The following PLCE1 variants were observed in gnomAD, a reference collection of about 807,000 sequenced individuals.
PLCE1 encodes 1-phosphatidylinositol 4,5-bisphosphate phosphodiesterase epsilon-1.
A neutral mutation model predicts 242.8 loss-of-function variants in PLCE1; 119 were observed. The ratio of observed to expected loss-of-function variants is 0.49; its 90% CI spans 0.42 to 0.57. The LOEUF is 0.57. PLCE1 is among the 20% of genes least tolerant of loss of function. PLCE1 has a pLI of 0.00. For missense variants in PLCE1, 2,441 were observed against 2,788.8 expected, an observed-to-expected ratio of 0.88 and a Z score of 2.81; for synonymous variants, 945 against 1,017.4, an observed-to-expected ratio of 0.93 and a Z score of 1.35.
intron 29 of PLCE1, among the ~76,000 whole-genome samples, chr10:94,319,862 CTCTTTTTTTTT>C (rs1221199916): frequency 2.3e-5 from 2 of 86,198 alleles, no homozygotes; most frequent in African/African-American, 4.1e-5. Context: ...CTCAAAGGTG[CTCTTTTTTTTT>C]TTTTTTTTTT....
At chr10:94,226,092 A>T (rs2049927998) in intron 4 of PLCE1, among the ~76,000 whole-genome samples, 1 of 152,268 alleles carries the variant, frequency 6.6e-6, no homozygotes, top group Non-Finnish European at 1.5e-5. Flanking sequence ...TTAGGTGGAC[A>T]CCAGCATCTA....
At chr10:94,221,670 G>A (rs1332911971) in intron 4 of PLCE1, among the ~76,000 whole-genome samples, 1 of 152,198 alleles carries the variant, frequency 6.6e-6, no homozygotes, top group Admixed American at 6.5e-5. Context: ...AGGAGGCGGA[G>A]ATTGCAGTGA....
At chr10:94,255,914 ACTCTCTCTCTCTCTCTCTCT>A (rs111704161) in intron 11 of PLCE1, among the ~76,000 whole-genome samples, 8 of 67,324 alleles carry the variant, frequency 1.2e-4, no homozygotes, top group African/African-American at 5.0e-4. Flanking sequence ...ACACACACAC[ACTCTCTCTCTCTCTCTCTCT>A]CTCTCTCTCT....
chr10:94,036,785 C>G (rs2134571117), intron 2 of PLCE1, among the ~76,000 whole-genome samples: 1 of 152,224 alleles, frequency 6.6e-6, no homozygotes, highest in African/African-American at 2.4e-5. Flanking sequence ...ATGTGAAGTA[C>G]AAGAAGTTTC....
At chr10:94,293,702 ACTGT>A (rs996039425) in intron 23 of PLCE1, 63 bp downstream of exon 23, 1 of 1,556,194 alleles carries the variant, frequency 6.4e-7, no homozygotes, top group Non-Finnish European at 8.9e-7. Flanking sequence ...TAGATATTTT[ACTGT>A]CTAAGCACTT....
At chr10:94,027,156 C>A (rs1225231955) in intron 1 of PLCE1, among the ~76,000 whole-genome samples, 1 of 152,174 alleles carries the variant, frequency 6.6e-6, no homozygotes, top group African/African-American at 2.4e-5. Context: ...TCTTTTGAAA[C>A]TCAACTGAGT....
chr10:94,167,452 T>A (rs2047841910), intron 3 of PLCE1, among the ~76,000 whole-genome samples: 1 of 152,186 alleles, frequency 6.6e-6, no homozygotes, highest in South Asian at 2.1e-4. Flanking sequence ...TTATTCTTGT[T>A]CACTAAATTT....
chr10:94,071,137 G>A (rs1196844502), intron 2 of PLCE1, among the ~76,000 whole-genome samples: 1 of 152,114 alleles, frequency 6.6e-6, no homozygotes, highest in African/African-American at 2.4e-5. Flanking sequence ...GAGTTACTGT[G>A]AAATTAACCC....
chr10:94,130,709 G>A (rs1450273407), intron 2 of PLCE1, among the ~76,000 whole-genome samples: 1 of 152,220 alleles, frequency 6.6e-6, no homozygotes, highest in African/African-American at 2.4e-5. Flanking sequence ...GTGCCTTCAA[G>A]TGGCAAATAT....
At chr10:94,107,338 C>T (rs2045786851) in intron 2 of PLCE1, among the ~76,000 whole-genome samples, 1 of 152,064 alleles carries the variant, frequency 6.6e-6, no homozygotes, top group African/African-American at 2.4e-5. Flanking sequence ...CTTCATGCCA[C>T]CCCCCTTGCT....
intron 2 of PLCE1, among the ~76,000 whole-genome samples, chr10:94,103,783 C>T (rs2045627785): frequency 6.6e-6 from 1 of 152,114 alleles, no homozygotes; most frequent in Admixed American, 6.5e-5. Context: ...CACAGTGCAA[C>T]TCACACACCA....
In PLCE1 at chr10:94,195,224, TC is replaced by T. The variant is rs142960982; in HGVS notation, c.1809+23730del. 1.2e-3 allele frequency among the ~76,000 whole-genome samples: 179 copies of T among 152,252 alleles called. 1 individual carries two copies. Among genetic ancestry groups the T allele is most frequent in the African/African-American group, 4.2e-3 (173 of 41,568 alleles). On this transcript the variant is annotated intron_variant, in intron 4 of 32. Coordinates refer to ENST00000371380, the MANE Select transcript of PLCE1 (RefSeq NM_016341.4). ...TTCAGAAACATAGCATGTTCTCCCC[TC>T]CTCTAGCTACCCTGCTCTAACCCTG...
chr10:94,161,453 C>G (rs1165350379), intron 3 of PLCE1, among the ~76,000 whole-genome samples: 1 of 151,856 alleles, frequency 6.6e-6, no homozygotes, highest in African/African-American at 2.4e-5. Flanking sequence ...TGATTTGGCT[C>G]TCTGTCTGTT....
intron 3 of PLCE1, among the ~76,000 whole-genome samples, chr10:94,140,606 A>G (rs1027124222): frequency 3.3e-5 from 5 of 152,220 alleles, no homozygotes; most frequent in Admixed American, 3.3e-4. Context: ...CTTTCTCTAA[A>G]GTTAATAGCT....
In PLCE1 at chr10:94,031,935, T is replaced by C; in HGVS notation, c.889T>C (p.Leu297=). The C allele has an allele frequency of 6.2e-7, 1 of 1,613,916 alleles. No individual in the cohort carries two copies. The highest frequency in any genetic ancestry group is 1.3e-5 in the African/African-American group (1 of 75,036). The change falls in exon 2 of 33, where the codon TTG becomes CTG. Residue 297 remains leucine (L), a synonymous_variant. Transcript: ENST00000371380. ...FTDSQAAKTF[L]SHFEDFPDNC... ...TGACAGTCAAGCTGCCAAGACCTTT[T>C]TGAGCCATTTTGAGGACTTCCCTGA...
intron 3 of PLCE1, among the ~76,000 whole-genome samples, chr10:94,141,517 AGGG>A (rs2046954831): frequency 2.4e-5 from 1 of 42,154 alleles, no homozygotes; most frequent in Non-Finnish European, 5.6e-5. Flanking sequence ...GGGAAGGTGA[AGGG>A]AAGGCTAAGG....
intron 3 of PLCE1, among the ~76,000 whole-genome samples, chr10:94,147,254 T>A (rs1019980195): frequency 1.4e-4 from 22 of 152,064 alleles, no homozygotes; most frequent in Admixed American, 1.4e-3. Flanking sequence ...AAACTCTGTC[T>A]CTACTAAAAC....
At chr10:94,236,972 A>G (rs1185598705) in intron 7 of PLCE1, among the ~76,000 whole-genome samples, 1 of 152,226 alleles carries the variant, frequency 6.6e-6, no homozygotes, top group Admixed American at 6.5e-5. Context: ...AAAAATAAGA[A>G]TATGAGAAAA....
chr10:94,164,736 G>A (rs1272777890), intron 3 of PLCE1, among the ~76,000 whole-genome samples: 1 of 152,120 alleles, frequency 6.6e-6, no homozygotes, highest in African/African-American at 2.4e-5. Context: ...TTTCAGTTTT[G>A]TTGTTCTGTT....
Sources: allele counts gnomAD v4.1 joint callset (sites outside exome capture counted in the v4.1 genomes callset), GRCh38; gene constraint gnomAD v4.1.1; transcripts MANE v1.5; gene names NCBI Gene and HGNC (gene_info 2026-07-23, HGNC 2026-07-21).